The following CDCA5 variants were observed in gnomAD, a reference collection of about 807,000 sequenced individuals.
CDCA5 encodes cell division cycle associated 5.
Under a neutral mutation model 25.7 loss-of-function variants are expected in CDCA5, and 14 were observed. The ratio of observed to expected loss-of-function variants is 0.54; its 90% CI spans 0.36 to 0.85. The LOEUF is 0.85. Among genes scored for constraint, CDCA5 ranks in the 40% least tolerant of loss-of-function variants. The probability of loss-of-function intolerance (pLI) is 0.01; values close to 1 mark genes in which losing one functional copy is unlikely to be tolerated. For missense variants in CDCA5, 307 were observed against 324.5 expected (o/e 0.95, Z 0.41); for synonymous variants, 127 against 128.7 (o/e 0.99, Z 0.09).
Position 65,079,723 on chromosome 11 carries a change from A to G in CDCA5, c.308T>C (p.Phe103Ser). The part of the protein sequence containing the change: ...PGRELTKEDL[F>S]KTHSVPATPT... ...GGTGGCAGGGACGCTGTGTGTCTTG[A>G]AAAGGTCCTCCTTAGTAAGCTCCCT... Residue 103 changes from phenylalanine to serine, a missense_variant, in exon 5 of 6, where the codon TTC (phenylalanine) becomes TCC (serine). Physicochemically the swap from Phe to Ser is radical, Grantham distance 155. Coordinates refer to ENST00000275517, the MANE Select transcript of CDCA5 (RefSeq NM_080668.4). 1 of 1,533,516 alleles carries G rather than the reference A, an allele frequency of 6.5e-7. No individual in the cohort carries two copies. Among genetic ancestry groups the G allele is most frequent in the Non-Finnish European group, 8.8e-7 (1 of 1,141,834 alleles). 95.0% of individuals were successfully genotyped at this position (1,533,516 alleles called of 1,614,324 possible). A position where few individuals can be genotyped will look rare whatever the true frequency, so the allele number is the denominator to read the frequency against.
exon 4 of CDCA5, chr11:65,067,658 A>G: frequency 7.8e-7 from 1 of 1,289,252 alleles, no homozygotes; most frequent in Non-Finnish European, 1.0e-6. Context: ...AGATCACCTC[A>G]TGCAGTCATT....
downstream of CDCA5, among the ~76,000 whole-genome samples, chr11:65,063,562 C>T (rs1382852285): frequency 6.6e-6 from 1 of 152,194 alleles, no homozygotes; most frequent in Non-Finnish European, 1.5e-5. Context: ...CAAGGTCACA[C>T]CAGACAGCAA....
At chr11:65,071,194 G>A (rs1309043485) in intron 1 of CDCA5, among the ~76,000 whole-genome samples, 1 of 151,560 alleles carries the variant, frequency 6.6e-6, no homozygotes, top group Non-Finnish European at 1.5e-5. Flanking sequence ...TGCCCGCCTT[G>A]GCCTCCCAAA....
At chr11:65,080,739 A>G (rs1192813811) in intron 4 of CDCA5, among the ~76,000 whole-genome samples, 1 of 152,182 alleles carries the variant, frequency 6.6e-6, no homozygotes, top group Non-Finnish European at 1.5e-5. Context: ...CTCAGTCCAT[A>G]AGTATTTATC....
chr11:65,068,913 T>C (rs117304846), intron 1 of CDCA5, among the ~76,000 whole-genome samples: 1,648 of 152,336 alleles, frequency 0.011, 23 homozygotes, highest in Non-Finnish European at 0.015. Context: ...GTGTCCTGTA[T>C]TTTATCTGGC....
In CDCA5 at chr11:65,077,733, G is replaced by C; in HGVS notation, c.*1374C>G. On this transcript the variant is annotated 3_prime_UTR_variant, in exon 6 of 6. Transcript: ENST00000275517. ...CAGGTCTGACAAACCACAGAGCGTTGAGCAGATGGCCTGGGACTCCCAGAC... is the reference window on the plus strand; with the variant it reads ...CAGGTCTGACAAACCACAGAGCGTTCAGCAGATGGCCTGGGACTCCCAGAC... 1 of 985,600 alleles carries C rather than the reference G, an allele frequency of 1.0e-6. No individual in the cohort carries two copies. 61.1% of individuals were successfully genotyped at this position (985,600 alleles called of 1,614,324 possible).
downstream of CDCA5, among the ~76,000 whole-genome samples, chr11:65,063,263 C>T (rs949189091): frequency 5.9e-5 from 9 of 152,272 alleles, no homozygotes; most frequent in Non-Finnish European, 8.8e-5. Context: ...CAAAGGATGA[C>T]GTTGCAGGAT....
chr11:65,072,646 G>A (rs1947362350), downstream of CDCA5, among the ~76,000 whole-genome samples: 2 of 152,294 alleles, frequency 1.3e-5, no homozygotes, highest in African/African-American at 4.8e-5. Context: ...TCCCACTGGA[G>A]GGGCACACCT....
chr11:65,071,207 G>T (rs1244953933), intron 1 of CDCA5, among the ~76,000 whole-genome samples: 1 of 151,958 alleles, frequency 6.6e-6, no homozygotes, highest in African/African-American at 2.4e-5. Context: ...CTCCCAAAGT[G>T]CTGAGATTAT....
downstream of CDCA5, among the ~76,000 whole-genome samples, chr11:65,073,738 G>A (rs756914067): frequency 6.6e-6 from 1 of 152,158 alleles, no homozygotes; most frequent in Non-Finnish European, 1.5e-5. Flanking sequence ...TTTATTGGGA[G>A]GATGCTGGGG....
At position 65,079,436 on chromosome 11, in the gene CDCA5, A is replaced by G. The variant is rs1473912082; in HGVS notation, c.595T>C (p.Trp199Arg). 3 of 1,613,896 alleles carry G rather than the reference A, an allele frequency of 1.9e-6. No individual in the cohort carries two copies. Among genetic ancestry groups the G allele is most frequent in the Non-Finnish European group, 2.5e-6 (3 of 1,179,990 alleles). ...CCAGGGAGAGTCATGTCTGGGGCCCAGGGCTTTGCACAAACCCTGGGGACC... is the reference window on the plus strand; with the variant it reads ...CCAGGGAGAGTCATGTCTGGGGCCCGGGGCTTTGCACAAACCCTGGGGACC... ...TEVPRVCAKP[W>R]APDMTLPGIS... The change falls in exon 5 of 6, where the codon TGG becomes CGG. Residue 199 changes from tryptophan to arginine, a missense_variant. Trp to Arg is a moderately radical substitution (Grantham distance 101). Coordinates refer to ENST00000275517, the MANE Select transcript of CDCA5 (RefSeq NM_080668.4).
intron 6 of CDCA5, chr11:65,066,528 C>T (rs1372962408): frequency 2.3e-6 from 3 of 1,289,218 alleles, no homozygotes; most frequent in African/African-American, 3.0e-5. Context: ...TCTTCCCTCC[C>T]CGCTGCCATG....
exon 4 of CDCA5, chr11:65,067,681 G>C: frequency 7.8e-7 from 1 of 1,289,780 alleles, no homozygotes; most frequent in South Asian, 1.2e-5. Flanking sequence ...GCAACTGCCT[G>C]ATCTCCTTTG....
At chr11:65,079,285 A>G (rs1467484636) in intron 5 of CDCA5, 68 bp downstream of exon 5, 1 of 1,611,560 alleles carries the variant, frequency 6.2e-7, no homozygotes, top group Non-Finnish European at 8.5e-7. Context: ...CCCCCAAAAG[A>G]GCCAGAGCCC....
chr11:65,067,788 G>T (rs752310335), intron 3 of CDCA5: 86 of 1,233,842 alleles, frequency 7.0e-5, no homozygotes, highest in Non-Finnish European at 8.6e-5. Context: ...CAGGCCAGAG[G>T]GTCTAGGGGA....
chr11:65,082,400 T>C (rs1382121665), intron 4 of CDCA5, among the ~76,000 whole-genome samples: 1 of 152,068 alleles, frequency 6.6e-6, no homozygotes, highest in Admixed American at 6.6e-5. Flanking sequence ...CCTTGATTTT[T>C]CTTTAAATTC....
downstream of CDCA5, among the ~76,000 whole-genome samples, chr11:65,062,943 G>A (rs983469627): frequency 3.3e-5 from 5 of 152,042 alleles, no homozygotes; most frequent in South Asian, 6.2e-4. Flanking sequence ...ATTCACTGCC[G>A]AAGCCCCAGA....
chr11:65,068,168 C>T lies in CDCA5; in HGVS notation c.178-50G>A, dbSNP rs754170416. ...ACTGGAGAGGGTCACGGCTGCTCAC[C>T]CAAGAGCCTGGGTCCTCCCACACCC... On this transcript the variant is annotated intron_variant, in intron 2 of 6. Transcript: ENST00000525464. 16 of 1,185,354 alleles carry T rather than the reference C, an allele frequency of 1.3e-5. No homozygotes were observed. The South Asian group carries it at 2.0e-4, about 15-fold the overall frequency. 73.4% of individuals were successfully genotyped at this position (1,185,354 alleles called of 1,614,324 possible).
intron 4 of CDCA5, among the ~76,000 whole-genome samples, chr11:65,080,613 T>C (rs951391883): frequency 1.1e-4 from 17 of 151,336 alleles, no homozygotes; most frequent in Non-Finnish European, 1.5e-5. Context: ...GTAGGGGAGG[T>C]CTCCCTTTGT....
Sources: allele counts gnomAD v4.1 joint callset (sites outside exome capture counted in the v4.1 genomes callset), GRCh38; gene constraint gnomAD v4.1.1; transcripts MANE v1.5; gene names NCBI Gene and HGNC (gene_info 2026-07-23, HGNC 2026-07-21).